Variants in TMEM232 observed in about 807,000 individuals in gnomAD.
TMEM232 encodes transmembrane protein 232.
TMEM232 carries 80 observed loss-of-function variants against 78.8 expected under a neutral mutation model. The ratio of observed to expected loss-of-function variants is 1.01; its 90% CI spans 0.85 to 1.22. The LOEUF is 1.22. Ranked by LOEUF, TMEM232 falls within the 50% of genes most tolerant of loss-of-function variation. The pLI is 0.00. For synonymous variants in TMEM232, 297 were observed against 254.3 expected, an observed-to-expected ratio of 1.17 and a Z score of -1.60; for missense variants, 881 against 742.2, an observed-to-expected ratio of 1.19 and a Z score of -2.17.
intron 6 of TMEM232, among the ~76,000 whole-genome samples, chr5:110,626,342 T>A (rs2149941288): frequency 6.6e-6 from 1 of 152,180 alleles, no homozygotes; most frequent in South Asian, 2.1e-4. Flanking sequence ...AGTAGTTCTA[T>A]AATTTAATGA....
At chr5:110,415,924 T>C (rs988362372), downstream of TMEM232, among the ~76,000 whole-genome samples, 13 of 152,266 alleles carry the variant, frequency 8.5e-5, no homozygotes, top group African/African-American at 2.9e-4. Context: ...AGGTTGGATA[T>C]CACAGGGATC....
At chr5:110,579,865 A>C (rs1777981528) in intron 10 of TMEM232, among the ~76,000 whole-genome samples, 1 of 151,696 alleles carries the variant, frequency 6.6e-6, no homozygotes, top group Non-Finnish European at 1.5e-5. Context: ...CAAAAGACAT[A>C]AAGTGGCTAA....
At chr5:110,628,408 A>G (rs1043693567) in intron 5 of TMEM232, among the ~76,000 whole-genome samples, 8 of 152,066 alleles carry the variant, frequency 5.3e-5, no homozygotes, top group African/African-American at 1.4e-4. Flanking sequence ...ATGCTGTGCT[A>G]AGCTCCCTAT....
At chr5:110,556,631 C>A (rs373387921) in intron 11 of TMEM232, among the ~76,000 whole-genome samples, 1 of 152,140 alleles carries the variant, frequency 6.6e-6, no homozygotes, top group African/African-American at 2.4e-5. Flanking sequence ...CGGTGATCCA[C>A]CCAACTCAGC....
chr5:110,500,270 CAGAGCAAG>C (rs1434828197), intron 12 of TMEM232, among the ~76,000 whole-genome samples: 4 of 116,160 alleles, frequency 3.4e-5, no homozygotes, highest in Non-Finnish European at 6.5e-5. Context: ...GCCTGGGTGA[CAGAGCAAG>C]ACTCTGTCTC....
intron 1 of TMEM232, among the ~76,000 whole-genome samples, chr5:110,717,335 T>C (rs1167280468): frequency 6.6e-6 from 1 of 152,034 alleles, no homozygotes; most frequent in Non-Finnish European, 1.5e-5. Flanking sequence ...TCTGAATGAG[T>C]TCAGTTTTAA....
intron 8 of TMEM232, among the ~76,000 whole-genome samples, chr5:110,616,351 A>G (rs1015378474): frequency 1.3e-5 from 2 of 152,054 alleles, no homozygotes; most frequent in Admixed American, 1.3e-4. Flanking sequence ...TATTGGGAGA[A>G]CTGAACATCC....
intron 12 of TMEM232, among the ~76,000 whole-genome samples, chr5:110,449,857 C>T (rs1051708787): frequency 6.6e-6 from 1 of 152,010 alleles, no homozygotes; most frequent in African/African-American, 2.4e-5. Flanking sequence ...CACTATGAAC[C>T]TCTGAATTAC....
In TMEM232 at chr5:110,584,292, T is replaced by C. The variant is rs184613269; in HGVS notation, c.1277-15667A>G. On this transcript the variant is annotated intron_variant, in intron 10 of 13. Transcript: ENST00000455884. Reference sequence around the variant, plus strand: ...GAATGGATAAGGAAAATGTCATATATATATAAAATGAAATATATTCACACC... The same window carrying C: ...GAATGGATAAGGAAAATGTCATATACATATAAAATGAAATATATTCACACC... Among the ~76,000 whole-genome samples, 129 of 151,870 alleles carry C rather than the reference T, an allele frequency of 8.5e-4. 1 individual carries two copies. Among genetic ancestry groups the C allele is most frequent in the African/African-American group, 3.1e-3 (127 of 41,324 alleles).
upstream of TMEM232, chr5:110,738,206 G>A: frequency 2.3e-6 from 3 of 1,286,806 alleles, no homozygotes; most frequent in Non-Finnish European, 3.0e-6. Context: ...CAGATCTGGG[G>A]AGGGAGCCTG....
At chr5:110,488,980 C>T (rs1470059857) in intron 12 of TMEM232, among the ~76,000 whole-genome samples, 1 of 151,674 alleles carries the variant, frequency 6.6e-6, no homozygotes, top group African/African-American at 2.4e-5. Context: ...TACCTAGAAA[C>T]CAAAAACTAG....
chr5:110,444,174 T>C (rs1759381058), intron 12 of TMEM232, among the ~76,000 whole-genome samples: 1 of 152,170 alleles, frequency 6.6e-6, no homozygotes, highest in Admixed American at 6.5e-5. Context: ...ATTGTAGTCC[T>C]TGTGTCCTAG....
At chr5:110,594,755 T>A (rs1354172499) in intron 10 of TMEM232, among the ~76,000 whole-genome samples, 2 of 152,160 alleles carry the variant, frequency 1.3e-5, no homozygotes, top group African/African-American at 4.8e-5. Flanking sequence ...ACTGGGCAGG[T>A]AATCTCTGAA....
intron 2 of TMEM232, among the ~76,000 whole-genome samples, chr5:110,657,993 A>G (rs922118599): frequency 6.6e-6 from 1 of 152,218 alleles, no homozygotes; most frequent in Non-Finnish European, 1.5e-5. Context: ...AAGTACCAGC[A>G]GAATGAAAGA....
chr5:110,720,229 GTGAAA>G (rs1202547762), intron 1 of TMEM232, among the ~76,000 whole-genome samples: 1 of 152,066 alleles, frequency 6.6e-6, no homozygotes. Flanking sequence ...CTCTTCTCTT[GTGAAA>G]CCTCTCCCCT....
intron 1 of TMEM232, among the ~76,000 whole-genome samples, chr5:110,686,209 A>AGT (rs1303849947): frequency 6.6e-6 from 1 of 152,040 alleles, no homozygotes; most frequent in Non-Finnish European, 1.5e-5. Flanking sequence ...TAGTTGACTA[A>AGT]CAGAATGTGG....
chr5:110,681,514 T>C (rs1324321515), intron 1 of TMEM232, among the ~76,000 whole-genome samples: 1 of 152,192 alleles, frequency 6.6e-6, no homozygotes, highest in African/African-American at 2.4e-5. Context: ...CTCCATATTG[T>C]AGGGTGTCAG....
At chr5:110,429,425 T>C (rs1257594350) in intron 12 of TMEM232, among the ~76,000 whole-genome samples, 1 of 151,520 alleles carries the variant, frequency 6.6e-6, no homozygotes, top group African/African-American at 2.4e-5. Flanking sequence ...AGAATTATGG[T>C]TTTTCAAGTC....
At chr5:110,679,737 C>G (rs1792480066) in intron 1 of TMEM232, among the ~76,000 whole-genome samples, 1 of 87,940 alleles carries the variant, frequency 1.1e-5, no homozygotes, top group African/African-American at 3.0e-5. Context: ...TAATTAGTTA[C>G]ATGTATTTTC....
Sources: gnomAD v4.1 joint callset for allele counts (sites outside exome capture counted in the v4.1 genomes callset) on GRCh38, gnomAD v4.1.1 for gene constraint, MANE v1.5 for transcripts, NCBI Gene and HGNC (gene_info 2026-07-23, HGNC 2026-07-21) for gene names.